The following TRAK2 variants were observed in gnomAD, a reference collection of about 807,000 sequenced individuals.
TRAK2 encodes the protein trafficking kinesin protein 2.
A neutral mutation model predicts 104.6 loss-of-function variants in TRAK2; 81 were observed. That is an observed-to-expected ratio of 0.77 (90% CI 0.65 to 0.93). The LOEUF is 0.93. TRAK2 is among the 40% of genes least tolerant of loss of function. The pLI, the probability that TRAK2 is intolerant of heterozygous loss-of-function variation, is 0.00. For synonymous variants in TRAK2, 406 were observed against 394.4 expected (o/e 1.03, Z -0.35); for missense variants, 1,002 against 1,089.0 (o/e 0.92, Z 1.12).
At chr2:201,429,509 T>C (rs954972210) in intron 1 of TRAK2, among the ~76,000 whole-genome samples, 2 of 152,224 alleles carry the variant, frequency 1.3e-5, no homozygotes, top group African/African-American at 4.8e-5. Context: ...CAATCACACG[T>C]AGATTTGGTC....
chr2:201,395,237 G>C (rs776262624), intron 8 of TRAK2, 77 bp downstream of exon 8: 12 of 1,262,198 alleles, frequency 9.5e-6, no homozygotes, highest in Non-Finnish European at 1.3e-5. Flanking sequence ...TTTGTTTATT[G>C]TATCTAGCAC....
intron 9 of TRAK2, 75 bp from the exon 10 acceptor site, chr2:201,393,121 G>A: frequency 1.4e-6 from 2 of 1,473,136 alleles, no homozygotes; most frequent in South Asian, 1.4e-5. Context: ...GAAACCTTTT[G>A]GGATAAGTAT....
At chr2:201,426,786 C>T (rs1270998011) in intron 1 of TRAK2, among the ~76,000 whole-genome samples, 1 of 152,180 alleles carries the variant, frequency 6.6e-6, no homozygotes, top group Non-Finnish European at 1.5e-5. Context: ...GGTGATCTGG[C>T]AATGGTATGT....
chr2:201,411,322 T>G (rs1467573506), intron 2 of TRAK2: 4 of 757,626 alleles, frequency 5.3e-6, no homozygotes, highest in Admixed American at 1.7e-5. Flanking sequence ...TTATGTTTAT[T>G]CTGAAACCCA....
chr2:201,413,409 T>G, intron 2 of TRAK2: 1 of 508,876 alleles, frequency 2.0e-6, no homozygotes, highest in Non-Finnish European at 3.4e-6. Flanking sequence ...AGGCTGTTCC[T>G]GCTCTGCCTT....
intron 2 of TRAK2, among the ~76,000 whole-genome samples, chr2:201,407,898 T>G (rs962215199): frequency 2.0e-5 from 3 of 152,210 alleles, no homozygotes; most frequent in Admixed American, 6.5e-5. Flanking sequence ...GGGGTACATG[T>G]GATATTTTGA....
intron 1 of TRAK2, among the ~76,000 whole-genome samples, chr2:201,438,100 C>T (rs1951892000): frequency 6.6e-6 from 1 of 152,160 alleles, no homozygotes; most frequent in Non-Finnish European, 1.5e-5. Context: ...GAAGAGGAGA[C>T]ACCACTACCC....
At chr2:201,413,239 T>C in intron 2 of TRAK2, 1 of 1,388,982 alleles carries the variant, frequency 7.2e-7, no homozygotes, top group Non-Finnish European at 1.0e-6. Flanking sequence ...GGATTTCTCA[T>C]TACAGCACTA....
intron 2 of TRAK2, chr2:201,412,630 G>A: frequency 1.3e-6 from 2 of 1,562,416 alleles, no homozygotes; most frequent in Non-Finnish European, 1.8e-6. Flanking sequence ...TTCAGGATTT[G>A]GAAGACACAA....
At chr2:201,415,504 T>C (rs1951683946) in intron 2 of TRAK2, among the ~76,000 whole-genome samples, 1 of 151,886 alleles carries the variant, frequency 6.6e-6, no homozygotes, top group South Asian at 2.1e-4. Flanking sequence ...AAGGGGAAAA[T>C]ATGAACGTAA....
intron 12 of TRAK2, among the ~76,000 whole-genome samples, chr2:201,389,086 G>A (rs1356992907): frequency 1.3e-5 from 2 of 152,162 alleles, no homozygotes; most frequent in East Asian, 1.9e-4. Context: ...GGTGTCATCC[G>A]ATGTATTCAT....
chr2:201,394,938 T>G, intron 8 of TRAK2, 66 bp from the exon 9 acceptor site: 1 of 1,340,850 alleles, frequency 7.5e-7, no homozygotes, highest in Non-Finnish European at 1.0e-6. Context: ...CTCTTTCTTA[T>G]AAAGACATGT....
chr2:201,424,736 G>A (rs2125656284), intron 1 of TRAK2, among the ~76,000 whole-genome samples: 1 of 152,096 alleles, frequency 6.6e-6, no homozygotes, highest in South Asian at 2.1e-4. Context: ...CCGAGTAGCT[G>A]GGACTACAGG....
intron 1 of TRAK2, among the ~76,000 whole-genome samples, chr2:201,438,620 AGT>A (rs1179072911): frequency 6.6e-6 from 1 of 152,150 alleles, no homozygotes; most frequent in South Asian, 2.1e-4. Flanking sequence ...TGAGGATAGT[AGT>A]GTGTGTGTAG....
At position 201,411,193 on chromosome 2, in the gene TRAK2, T is replaced by TAA; in HGVS notation, c.92-3598_92-3597dup. ...GTGTCTGTCAAGTCCTTAGTCTGTT[T>TAA]AACAGCAGCAATAGGTGTGTACACT... On this transcript the variant is annotated intron_variant, in intron 2 of 15. Coordinates refer to ENST00000332624, the MANE Select transcript of TRAK2 (RefSeq NM_015049.3). 5.5e-6 allele frequency: 4 copies of TAA among 724,692 alleles called. No individual in the cohort carries two copies. In the South Asian group the frequency reaches 6.4e-5, roughly 12 times the overall value. 44.9% of individuals were successfully genotyped at this position (724,692 alleles called of 1,614,324 possible).
At chr2:201,393,880 G>C (rs568630764) in intron 9 of TRAK2, among the ~76,000 whole-genome samples, 1 of 152,096 alleles carries the variant, frequency 6.6e-6, no homozygotes, top group East Asian at 1.9e-4. Context: ...CTCAAATAGC[G>C]GGGACCACAG....
chr2:201,425,465 G>A (rs918976945), intron 1 of TRAK2, among the ~76,000 whole-genome samples: 1 of 151,974 alleles, frequency 6.6e-6, no homozygotes, highest in Non-Finnish European at 1.5e-5. Context: ...GCAATGGTGC[G>A]ATCTCGGCTC....
At chr2:201,433,536 T>G (rs538502137) in intron 1 of TRAK2, 6 of 152,318 alleles carry the variant, frequency 3.9e-5, no homozygotes, top group Admixed American at 3.9e-4. Flanking sequence ...AGATTTAGGT[T>G]TATGGGGTCA....
intron 2 of TRAK2, among the ~76,000 whole-genome samples, chr2:201,409,425 T>A (rs772665223): frequency 1.3e-5 from 2 of 152,200 alleles, no homozygotes; most frequent in Non-Finnish European, 2.9e-5. Context: ...GAAGTTTGAA[T>A]TTGAAATGAA....
Sources: allele counts gnomAD v4.1 joint callset (sites outside exome capture counted in the v4.1 genomes callset), GRCh38; gene constraint gnomAD v4.1.1; transcripts MANE v1.5; gene names NCBI Gene and HGNC (gene_info 2026-07-23, HGNC 2026-07-21).